Variants in PLXNC1 observed in about 807,000 individuals in gnomAD.
PLXNC1 encodes the protein plexin C1.
In PLXNC1, 75 loss-of-function variants were observed where a neutral mutation model predicts 178.2. The ratio of observed to expected loss-of-function variants is 0.42; its 90% CI spans 0.35 to 0.51. The LOEUF is 0.51. Among genes scored for constraint, PLXNC1 ranks in the 20% least tolerant of loss-of-function variants. The pLI, the probability that PLXNC1 is intolerant of heterozygous loss-of-function variation, is 0.02. For synonymous variants in PLXNC1, 790 were observed against 779.9 expected (o/e 1.01, Z -0.22); for missense variants, 1,503 against 1,984.4 (o/e 0.76, Z 4.61).
chr12:94,206,926 G>A (rs913840279), intron 4 of PLXNC1, among the ~76,000 whole-genome samples: 5 of 152,056 alleles, frequency 3.3e-5, no homozygotes, highest in Non-Finnish European at 7.4e-5. Context: ...GCACTTGACC[G>A]TTGCTCTTGT....
chr12:94,171,494 G>A (rs907942163), intron 2 of PLXNC1, among the ~76,000 whole-genome samples: 2 of 152,124 alleles, frequency 1.3e-5, no homozygotes, highest in Non-Finnish European at 1.5e-5. Flanking sequence ...TGAGGGAATC[G>A]AGGCCCAGAG....
At chr12:94,268,994 C>T (rs1225944894) in intron 21 of PLXNC1, among the ~76,000 whole-genome samples, 1 of 152,036 alleles carries the variant, frequency 6.6e-6, no homozygotes, top group East Asian at 1.9e-4. Context: ...ACTCAGCTTA[C>T]GTTTTGTCAA....
intron 2 of PLXNC1, among the ~76,000 whole-genome samples, chr12:94,179,726 G>A (rs1409957556): frequency 2.4e-5 from 3 of 123,444 alleles, no homozygotes; most frequent in African/African-American, 6.2e-5. Flanking sequence ...GGGCGACTGA[G>A]TAAGACTCCA....
chr12:94,173,067 C>G (rs1961906366), intron 2 of PLXNC1, among the ~76,000 whole-genome samples: 1 of 152,108 alleles, frequency 6.6e-6, no homozygotes, highest in Non-Finnish European at 1.5e-5. Context: ...CAGTTATTTC[C>G]CCATCCTGCT....
intron 3 of PLXNC1, among the ~76,000 whole-genome samples, chr12:94,184,225 C>T (rs1962428866): frequency 6.6e-6 from 1 of 150,648 alleles, no homozygotes; most frequent in South Asian, 2.1e-4. Context: ...TCAAGCAGTT[C>T]TCCTGTCTCA....
rs1166762973 is a variant in PLXNC1 at position 94,239,018 on chromosome 12, G to A, written c.2120+1215G>A. Among the ~76,000 whole-genome samples the A allele has an allele frequency of 2.6e-5, 4 of 152,240 alleles. No individual in the cohort carries two copies. In the South Asian group the frequency reaches 8.3e-4, roughly 32 times the overall value. On this transcript the variant is annotated intron_variant, in intron 10 of 30. Transcript: ENST00000258526. The stretch of plus-strand genomic sequence containing the variant: ...TAGACACCTGTGTATTCACTGAAAG[G>A]CAATCAACTTCATGGAAAATAAGTA...
At chr12:94,161,319 G>C (rs1961377590) in intron 1 of PLXNC1, among the ~76,000 whole-genome samples, 1 of 152,186 alleles carries the variant, frequency 6.6e-6, no homozygotes, top group Non-Finnish European at 1.5e-5. Flanking sequence ...AACAGCAAGT[G>C]CTCCATAAAT....
At chr12:94,251,238 C>T (rs1964676915) in intron 14 of PLXNC1, among the ~76,000 whole-genome samples, 188 bp from the exon 15 acceptor site, 1 of 152,166 alleles carries the variant, frequency 6.6e-6, no homozygotes, top group South Asian at 2.1e-4. Context: ...GAAACTGAGG[C>T]ACAGTGAATA....
chr12:94,201,641 C>T (rs1259739414), intron 4 of PLXNC1, among the ~76,000 whole-genome samples: 1 of 151,580 alleles, frequency 6.6e-6, no homozygotes, highest in Non-Finnish European at 1.5e-5. Context: ...TCACTAAGTT[C>T]TAGCCAAGCT....
chr12:94,297,464 G>T (rs1359505378), intron 26 of PLXNC1, 41 bp downstream of exon 26: 1 of 1,337,258 alleles, frequency 7.5e-7, no homozygotes, highest in Non-Finnish European at 1.1e-6. Context: ...GCTACCTAGG[G>T]GGTGTATGAT....
intron 27 of PLXNC1, among the ~76,000 whole-genome samples, chr12:94,299,842 G>A (rs762602685): frequency 1.3e-5 from 2 of 152,124 alleles, no homozygotes; most frequent in African/African-American, 2.4e-5. Context: ...TTACAGGTGT[G>A]AGCCACTGCC....
rs35718233 is a variant in PLXNC1, at chr12:94,256,844, CA to C, written c.3087+1568del. Among the ~76,000 whole-genome samples the C allele has an allele frequency of 7.0e-3, 777 of 110,946 alleles. 4 individuals carry two copies. Among genetic ancestry groups the C allele is most frequent in the African/African-American group, 0.011 (328 of 30,164 alleles). 72.8% of individuals were successfully genotyped at this position (110,946 alleles called of 152,430 possible). Reference sequence around the variant, plus strand: ...AACACTGTTGCAAGTTGAGTGTTTCCAAAAAAAAAAAAAAAAAAAAGATCCC... The same window carrying C: ...AACACTGTTGCAAGTTGAGTGTTTCCAAAAAAAAAAAAAAAAAAAGATCCC... On this transcript the variant is annotated intron_variant, in intron 17 of 30. Coordinates refer to ENST00000258526, the MANE Select transcript of PLXNC1 (RefSeq NM_005761.3).
At chr12:94,242,672 G>T (rs146316183) in intron 11 of PLXNC1, among the ~76,000 whole-genome samples, 28 of 152,146 alleles carry the variant, frequency 1.8e-4, no homozygotes, top group African/African-American at 6.7e-4. Flanking sequence ...CAAAACCAAG[G>T]CTCTAGCATG....
At chr12:94,189,525 T>C (rs919818449) in intron 4 of PLXNC1, among the ~76,000 whole-genome samples, 1 of 151,998 alleles carries the variant, frequency 6.6e-6, no homozygotes, top group Admixed American at 6.6e-5. Context: ...ACAAAAAATA[T>C]GAACATTAGC....
At chr12:94,262,273 C>G (rs575201670) in intron 20 of PLXNC1, among the ~76,000 whole-genome samples, 38 of 152,342 alleles carry the variant, frequency 2.5e-4, no homozygotes, top group Non-Finnish European at 5.0e-4. Flanking sequence ...ACCATCTCAG[C>G]CCCGGTCAGC....
In PLXNC1 at chr12:94,217,671, G is replaced by T. The variant is rs190510966; in HGVS notation, c.1555-2345G>T. On this transcript the variant is annotated intron_variant, in intron 5 of 30. Coordinates refer to ENST00000258526, the MANE Select transcript of PLXNC1 (RefSeq NM_005761.3). ...ATCCACATCCCCCACTTCCAGTCCT[G>T]CCCCATGCCACTTCTAAGGGGTACC... is the stretch of plus-strand genomic sequence containing the variant. Among the ~76,000 whole-genome samples the T allele has an allele frequency of 9.9e-4, 151 of 152,170 alleles. 2 individuals carry two copies. The highest frequency in any genetic ancestry group is 3.4e-3 in the Middle Eastern group (1 of 294).
intron 23 of PLXNC1, among the ~76,000 whole-genome samples, chr12:94,283,981 G>A (rs2136154337): frequency 6.6e-6 from 1 of 152,086 alleles, no homozygotes; most frequent in East Asian, 1.9e-4. Flanking sequence ...TACTTGGGAG[G>A]CTGAGGCAGG....
At chr12:94,278,001 T>C (rs1169846010) in intron 21 of PLXNC1, 5 of 455,986 alleles carry the variant, frequency 1.1e-5, no homozygotes, top group Admixed American at 2.4e-5. Context: ...AGCCTCTGCA[T>C]ATATACCTGG....
At chr12:94,299,596 G>T (rs147057061) in intron 27 of PLXNC1, among the ~76,000 whole-genome samples, 244 of 151,954 alleles carry the variant, frequency 1.6e-3, no homozygotes, top group Non-Finnish European at 2.6e-3. Flanking sequence ...TCTCACTCTT[G>T]TTGCCCAGGC....
Sources: gnomAD v4.1 joint callset for allele counts (sites outside exome capture counted in the v4.1 genomes callset) on GRCh38, gnomAD v4.1.1 for gene constraint, MANE v1.5 for transcripts, NCBI Gene and HGNC (gene_info 2026-07-23, HGNC 2026-07-21) for gene names.